Variants in SIRT7 observed in about 807,000 individuals in gnomAD.
SIRT7 encodes the protein NAD-dependent protein deacetylase sirtuin-7.
A neutral mutation model predicts 42.8 loss-of-function variants in SIRT7; 32 were observed. That is an observed-to-expected ratio of 0.75 (90% CI 0.56 to 1.00). The LOEUF (loss-of-function observed/expected upper bound fraction) is 1.00, where lower values mean the gene tolerates loss of function less well. Ranked by LOEUF, SIRT7 falls within the 50% of genes least tolerant of loss-of-function variation. The pLI is 0.00. For synonymous variants in SIRT7, 297 were observed against 245.2 expected (o/e 1.21, Z -1.97); for missense variants, 553 against 572.2 (o/e 0.97, Z 0.34).
chr17:81,915,747 A>G, intron 3 of SIRT7, 66 bp from the exon 4 acceptor site: 6 of 1,551,466 alleles, frequency 3.9e-6, no homozygotes, highest in Non-Finnish European at 5.3e-6. Flanking sequence ...CAGAATTCCC[A>G]GAAACGGAAA....
Position 81,918,142 on chromosome 17 carries a change from G to C in SIRT7, c.-11C>G. 6.5e-7 allele frequency: 1 copy of C among 1,543,046 alleles called. No homozygotes were observed. ...ACCCCCGGCTGCCATCGCTCCCCTG[G>C]AGACCTGCTCTTCCGCTTCCGCCTC... is the stretch of plus-strand genomic sequence containing the variant. On this transcript the variant is annotated 5_prime_UTR_variant, in exon 1 of 10. Coordinates refer to ENST00000328666, the MANE Select transcript of SIRT7 (RefSeq NM_016538.3).
At chr17:81,915,277 G>C (rs1318156422) in intron 5 of SIRT7, 163 bp downstream of exon 5, 1 of 704,106 alleles carries the variant, frequency 1.4e-6, no homozygotes, top group East Asian at 2.7e-5. Context: ...CTGTCCTGGA[G>C]AGTCAAGCAC....
chr17:81,917,285 C>T (rs2040822267), intron 3 of SIRT7: 3 of 237,284 alleles, frequency 1.3e-5, no homozygotes, highest in Non-Finnish European at 2.4e-5. Flanking sequence ...CTGGTGTATT[C>T]TGGCTCTTAC....
In SIRT7 at chr17:81,914,677, C is replaced by A; in HGVS notation, c.506G>T (p.Cys169Phe). ...CCCACTCCTCAGGTGGAGCCCGTCA[C>A]AGTTCTGAGACACCACATGCTGCAC... ...KLVQHVVSQN[C>F]DGLHLRSGLP... The change falls in exon 6 of 10, where the codon TGT (cysteine) becomes TTT (phenylalanine). Residue 169 changes from cysteine (C) to phenylalanine (F), a missense_variant. Physicochemically the swap from Cys to Phe is radical, Grantham distance 205. Coordinates refer to ENST00000328666, the MANE Select transcript of SIRT7 (RefSeq NM_016538.3). The A allele has an allele frequency of 6.2e-7, 1 of 1,612,926 alleles. No individual in the cohort carries two copies. Among genetic ancestry groups the A allele is most frequent in the Non-Finnish European group, 8.5e-7 (1 of 1,180,008 alleles).
rs755045263 is a variant in SIRT7 at position 81,912,026 on chromosome 17, G to C, written c.*390C>G. ...CCCTCTGCCGCACATCCAGTACAGA[G>C]AGGATTCTATAAAGTTCACACTTTT... On this transcript the variant is annotated 3_prime_UTR_variant, in exon 10 of 10. Transcript: ENST00000328666. 2.2e-5 allele frequency: 7 copies of C among 317,452 alleles called. No homozygotes were observed. The highest frequency in any genetic ancestry group is 3.6e-5 in the Non-Finnish European group (6 of 166,620). The allele number at this position is 317,452 out of a possible 1,614,324, so 19.7% of individuals were successfully genotyped here. A position where few individuals can be genotyped will look rare whatever the true frequency, so the allele number is the denominator to read the frequency against.
rs748285777 is a variant in SIRT7, at chr17:81,912,080, G to A, written c.*336C>T. 4.7e-6 allele frequency: 2 copies of A among 421,472 alleles called. No individual in the cohort carries two copies. The highest frequency in any genetic ancestry group is 2.3e-5 in the South Asian group (1 of 44,030). 26.1% of individuals were successfully genotyped at this position (421,472 alleles called of 1,614,324 possible). A position where few individuals can be genotyped will look rare whatever the true frequency, so the allele number is the denominator to read the frequency against. ...TTAAGTAGTAGTAGAAATACGGTGA[G>A]GCCCTGAGACTGGCCTGGTGAGCGA... On this transcript the variant is annotated 3_prime_UTR_variant, in exon 10 of 10. Transcript: ENST00000328666.
Position 81,918,078 on chromosome 17 carries a change from C to T in SIRT7, c.54G>A (p.Arg18=), listed in dbSNP as rs774094419. 1 of 1,550,970 alleles carries T rather than the reference C, an allele frequency of 6.4e-7. No homozygotes were observed. The highest frequency in any genetic ancestry group is 8.6e-7 in the Non-Finnish European group (1 of 1,159,808). ...CCCTCTGCTGCTCCTCCCGCAACCT[C>T]CGGACCCGCTCCGCCGCTTTGCGCT... is the stretch of plus-strand genomic sequence containing the variant. ...RSERKAAERV[R]RLREEQQRER... Residue 18 remains arginine, a synonymous_variant, in exon 1 of 10, where the codon CGG becomes CGA. Transcript: ENST00000328666.
At chr17:81,917,282 A>C in intron 3 of SIRT7, 1 of 229,332 alleles carries the variant, frequency 4.4e-6, no homozygotes, top group Non-Finnish European at 8.4e-6. Flanking sequence ...CACCTGGTGT[A>C]TTCTGGCTCT....
Position 81,917,984 on chromosome 17 carries a change from G to A in SIRT7, c.94-17C>T, listed in dbSNP as rs1400089636. The A allele has an allele frequency of 3.0e-6, 4 of 1,334,462 alleles. No individual in the cohort carries two copies. The highest frequency in any genetic ancestry group is 2.0e-5 in the South Asian group (1 of 49,164). The allele number at this position is 1,334,462 out of a possible 1,614,324, so 82.7% of individuals were successfully genotyped here. On this transcript the variant is annotated splice_polypyrimidine_tract_variant and intron_variant, in intron 1 of 9. Coordinates refer to ENST00000328666, the MANE Select transcript of SIRT7 (RefSeq NM_016538.3). ...GCGCGACACCTGCGGGCAGGCGGAC[G>A]GTGAGCGGCGGCGCGGGCCGGGCAT...
Position 81,913,926 on chromosome 17 carries a change from T to C in SIRT7, c.898-46A>G. Reference sequence around the variant, plus strand: ...GTGAGAGTAACAGCAGCCCAACCCTTCCCGGTGGCCTGTCAGCCTTGGCCC... The same window carrying C: ...GTGAGAGTAACAGCAGCCCAACCCTCCCCGGTGGCCTGTCAGCCTTGGCCC... On this transcript the variant is annotated intron_variant, in intron 8 of 9. Coordinates refer to ENST00000328666, the MANE Select transcript of SIRT7 (RefSeq NM_016538.3). The surrounding 1 kb of genome is among the most constrained non-coding windows in gnomAD (Gnocchi z 5.0). 1 of 1,544,176 alleles carries C rather than the reference T, an allele frequency of 6.5e-7. No individual in the cohort carries two copies. Among genetic ancestry groups the C allele is most frequent in the Non-Finnish European group, 8.8e-7 (1 of 1,140,088 alleles).
At chr17:81,912,653 G>A (rs1467212769) in intron 9 of SIRT7, 39 bp from the exon 10 acceptor site, 2 of 1,583,386 alleles carry the variant, frequency 1.3e-6, no homozygotes, top group Admixed American at 3.6e-5. Flanking sequence ...GGGCCTGGGA[G>A]CCTCTCGCAG....
chr17:81,915,730 G>A, intron 3 of SIRT7, 49 bp from the exon 4 acceptor site: 1 of 1,592,536 alleles, frequency 6.3e-7, no homozygotes, highest in Non-Finnish European at 8.6e-7. Flanking sequence ...ACCACTGTAG[G>A]TACTGGCAGA....
intron 2 of SIRT7, 25 bp downstream of exon 2, chr17:81,917,805 C>T: frequency 7.1e-7 from 1 of 1,408,142 alleles, no homozygotes. Context: ...ACCGGGGGCG[C>T]CCGCGCGCCG....
chr17:81,914,660 T>A lies in SIRT7; in HGVS notation c.523A>T (p.Arg175Trp). ...ATGGCCGTGCGCGGCAGCCCACTCC[T>A]CAGGTGGAGCCCGTCACAGTTCTGA... ...VSQNCDGLHL[R>W]SGLPRTAISE... is the part of the protein sequence containing the mutation. The change falls in exon 6 of 10, where the codon AGG becomes TGG. Residue 175 changes from arginine (R) to tryptophan (W), a missense_variant. Transcript: ENST00000328666. 1 of 1,613,026 alleles carries A rather than the reference T, an allele frequency of 6.2e-7. No homozygotes were observed. Among genetic ancestry groups the A allele is most frequent in the Non-Finnish European group, 8.5e-7 (1 of 1,179,996 alleles).
In SIRT7 at chr17:81,915,723, A is replaced by G. The variant is rs757373528; in HGVS notation, c.337-42T>C. On this transcript the variant is annotated intron_variant, in intron 3 of 9. Coordinates refer to ENST00000328666, the MANE Select transcript of SIRT7 (RefSeq NM_016538.3). ...AAGGTAAGCCAAGTCAAAAGGCACCACTGTAGGTACTGGCAGAATTCCCAG... is the reference window on the plus strand; with the variant it reads ...AAGGTAAGCCAAGTCAAAAGGCACCGCTGTAGGTACTGGCAGAATTCCCAG... 5 of 1,597,504 alleles carry G rather than the reference A, an allele frequency of 3.1e-6. No homozygotes were observed. In the Admixed American group the frequency reaches 8.5e-5, roughly 27 times the overall value.
At chr17:81,912,996 G>A (rs2040717080) in intron 9 of SIRT7, 2 of 374,556 alleles carry the variant, frequency 5.3e-6, no homozygotes, top group Non-Finnish European at 1.0e-5. Flanking sequence ...GGGGCAGGTG[G>A]ACCAGACCCT....
At chr17:81,916,171 A>G (rs2040793649) in intron 3 of SIRT7, 1 of 167,110 alleles carries the variant, frequency 6.0e-6, no homozygotes, top group Non-Finnish European at 1.3e-5. Flanking sequence ...TCTTCAGATG[A>G]GATGAGCATC....
chr17:81,912,583 G>A lies in SIRT7; in HGVS notation c.1036C>T (p.Pro346Ser), dbSNP rs770275784. The A allele has an allele frequency of 3.1e-6, 5 of 1,613,546 alleles. No individual in the cohort carries two copies. The East Asian group carries it at 8.9e-5, about 29-fold the overall frequency. Residue 346 changes from proline to serine, a missense_variant, in exon 10 of 10, where the codon CCC (proline) becomes TCC (serine). Coordinates refer to ENST00000328666, the MANE Select transcript of SIRT7 (RefSeq NM_016538.3). ...WQDPIFSLAT[P>S]LRAGEEGSHS... Reference sequence around the variant, plus strand: ...CTGCCTTCTTCACCAGCACGCAGGGGAGTCGCCAGTGAGAAAATGGGATCC... The same window carrying A: ...CTGCCTTCTTCACCAGCACGCAGGGAAGTCGCCAGTGAGAAAATGGGATCC...
intron 3 of SIRT7, 168 bp downstream of exon 3, chr17:81,917,447 C>T (rs1212168685): frequency 2.6e-5 from 14 of 545,452 alleles, no homozygotes; most frequent in Middle Eastern, 2.8e-4. Context: ...TTTTTTTTAA[C>T]TGGCTGTAAC....
Sources: gnomAD v4.1 joint callset for allele counts on GRCh38, gnomAD v4.1.1 for gene constraint, Gnocchi (gnomAD v3.1) non-coding constraint, MANE v1.5 for transcripts, NCBI Gene and HGNC (gene_info 2026-07-23, HGNC 2026-07-21) for gene names.